Variants in GRB10 observed in about 807,000 individuals in gnomAD.
The protein encoded by GRB10 is growth factor receptor bound protein 10, also known as growth factor receptor-bound protein 10.
A neutral mutation model predicts 80.9 loss-of-function variants in GRB10; 20 were observed. The ratio of observed to expected loss-of-function variants is 0.25; its 90% CI spans 0.17 to 0.36. GRB10 has a LOEUF of 0.36. GRB10 is among the 10% of genes least tolerant of loss of function. The pLI, the probability that GRB10 is intolerant of heterozygous loss-of-function variation, is 1.00. For missense variants in GRB10, 548 were observed against 747.7 expected, an observed-to-expected ratio of 0.73 and a Z score of 3.12; for synonymous variants, 291 against 291.5, an observed-to-expected ratio of 1.00 and a Z score of 0.02.
At chr7:50,679,773 CAT>C (rs1284343107) in intron 5 of GRB10, among the ~76,000 whole-genome samples, 2 of 152,194 alleles carry the variant, frequency 1.3e-5, no homozygotes, top group East Asian at 1.9e-4. Context: ...GTCTCTAACA[CAT>C]GTGCAAAAGC....
At chr7:50,717,502 A>G (rs1326106848) in intron 4 of GRB10, among the ~76,000 whole-genome samples, 1 of 152,256 alleles carries the variant, frequency 6.6e-6, no homozygotes, top group Non-Finnish European at 1.5e-5. Flanking sequence ...ATATATGTAT[A>G]TATACATAAA....
Position 50,635,902 on chromosome 7 carries a change from TAA to T in GRB10, c.505-8926_505-8925del, listed in dbSNP as rs56099361. 9.8e-3 allele frequency among the ~76,000 whole-genome samples: 941 copies of T among 96,438 alleles called. 12 individuals carry two copies. Among genetic ancestry groups the T allele is most frequent in the African/African-American group, 0.034 (868 of 25,882 alleles). 63.3% of individuals were successfully genotyped at this position (96,438 alleles called of 152,430 possible). ...ATCAGTAATTATAAAAATCTTCCAA[TAA>T]AAAAAAAAAAAAGCCCAGGACCAGA... On this transcript the variant is annotated intron_variant, in intron 7 of 18. Coordinates refer to ENST00000401949, the MANE Select transcript of GRB10 (RefSeq NM_001350814.2).
chr7:50,676,333 A>G (rs1034774271), intron 5 of GRB10, among the ~76,000 whole-genome samples: 1 of 16,352 alleles, frequency 6.1e-5, no homozygotes, highest in African/African-American at 2.6e-4. Flanking sequence ...TGTCCACCCC[A>G]CCGGGGGGGG....
At chr7:50,623,469 C>T (rs575936429) in intron 8 of GRB10, among the ~76,000 whole-genome samples, 1 of 152,230 alleles carries the variant, frequency 6.6e-6, no homozygotes, top group Non-Finnish European at 1.5e-5. Flanking sequence ...CTCTGCTTAT[C>T]CACAAGCGCA....
intron 3 of GRB10, among the ~76,000 whole-genome samples, chr7:50,734,716 C>T (rs763457513): frequency 9.9e-5 from 15 of 152,180 alleles, no homozygotes; most frequent in Admixed American, 2.6e-4. Context: ...ATGGCTTCTC[C>T]GCCAGGAAAA....
In GRB10 at chr7:50,682,092, G is replaced by T. The variant is rs568964344; in HGVS notation, c.140-7434C>A. On this transcript the variant is annotated intron_variant, in intron 5 of 18. Transcript: ENST00000401949. ...AACCCAATGTTTCTGTTGCCCCCCA[G>T]CACTGGCCACCTTGGGAACCAAGAT... Among the ~76,000 whole-genome samples the T allele has an allele frequency of 8.5e-5, 13 of 152,328 alleles. No individual in the cohort carries two copies. The South Asian group carries it at 2.7e-3, about 32-fold the overall frequency.
intron 7 of GRB10, among the ~76,000 whole-genome samples, chr7:50,658,233 G>A (rs1320481929): frequency 6.6e-6 from 1 of 152,218 alleles, no homozygotes; most frequent in Non-Finnish European, 1.5e-5. Context: ...CTTCTCCAGT[G>A]GGTGAACTGT....
At chr7:50,689,306 C>T (rs1404950888) in intron 5 of GRB10, among the ~76,000 whole-genome samples, 3 of 152,190 alleles carry the variant, frequency 2.0e-5, no homozygotes, top group Non-Finnish European at 4.4e-5. Context: ...TAGAAGCCTG[C>T]TGCAATTATT....
chr7:50,657,691 T>C (rs895031364), intron 7 of GRB10, among the ~76,000 whole-genome samples: 1 of 152,182 alleles, frequency 6.6e-6, no homozygotes, highest in Admixed American at 6.5e-5. Context: ...CATTTGGTTC[T>C]CTCAGGGACC....
intron 4 of GRB10, among the ~76,000 whole-genome samples, chr7:50,712,743 T>G (rs1229886684): frequency 2.0e-5 from 3 of 152,216 alleles, no homozygotes; most frequent in African/African-American, 7.2e-5. Flanking sequence ...CCACCCACTC[T>G]GCAGTGTTCA....
intron 2 of GRB10, among the ~76,000 whole-genome samples, chr7:50,764,461 G>GA (rs1208829808): frequency 6.6e-6 from 1 of 152,080 alleles, no homozygotes; most frequent in Non-Finnish European, 1.5e-5. Context: ...TGAACTTATG[G>GA]AAAAAAATGC....
At chr7:50,678,098 G>A (rs771594760) in intron 5 of GRB10, among the ~76,000 whole-genome samples, 2 of 152,142 alleles carry the variant, frequency 1.3e-5, no homozygotes, top group African/African-American at 2.4e-5. Flanking sequence ...AGCAGCCCCC[G>A]GGGTCTCCTG....
rs571592996 is a variant in GRB10, at chr7:50,669,758, C to T, written c.468G>A (p.Pro156=). Residue 156 remains proline (P), a synonymous_variant, in exon 7 of 19, where the codon CCG becomes CCA. Transcript: ENST00000401949. Reference sequence around the variant, plus strand: ...CGGCCTGGCTCGGAGGTAAAGAACCCGGCGTGAGCACAGGGGGGCTCCCAG... The same window carrying T: ...CGGCCTGGCTCGGAGGTAAAGAACCTGGCGTGAGCACAGGGGGGCTCCCAG... The part of the protein sequence containing the change: ...CGPGSPPVLT[P]GSLPPSQAAA... 2.2e-5 allele frequency: 36 copies of T among 1,613,646 alleles called. No individual in the cohort carries two copies. The highest frequency in any genetic ancestry group is 1.6e-4 in the East Asian group (7 of 44,892).
At chr7:50,778,051 C>T (rs778303556) in intron 2 of GRB10, among the ~76,000 whole-genome samples, 3 of 151,576 alleles carry the variant, frequency 2.0e-5, no homozygotes, top group Non-Finnish European at 4.4e-5. Flanking sequence ...CAAACCTGCA[C>T]GTTCTACACA....
chr7:50,757,219 T>G (rs2075207890), intron 2 of GRB10, among the ~76,000 whole-genome samples: 1 of 152,206 alleles, frequency 6.6e-6, no homozygotes. Flanking sequence ...TCTGGGCAAA[T>G]TATTGAGTCA....
intron 7 of GRB10, among the ~76,000 whole-genome samples, chr7:50,634,781 T>C (rs1216122829): frequency 6.6e-6 from 1 of 152,192 alleles, no homozygotes; most frequent in African/African-American, 2.4e-5. Context: ...ACAACAGTTT[T>C]AGAAAAAGAG....
intron 4 of GRB10, among the ~76,000 whole-genome samples, chr7:50,731,568 G>A (rs553879985): frequency 1.3e-5 from 2 of 152,260 alleles, no homozygotes; most frequent in East Asian, 1.9e-4. Context: ...CAGGATTCGC[G>A]AATCAAATCT....
At chr7:50,786,600 A>G (rs1010397017), upstream of GRB10, among the ~76,000 whole-genome samples, 1 of 152,246 alleles carries the variant, frequency 6.6e-6, no homozygotes, top group Admixed American at 6.5e-5. Flanking sequence ...AAGCCTCTAA[A>G]TGTTTTAGGG....
intron 2 of GRB10, among the ~76,000 whole-genome samples, chr7:50,762,553 C>T (rs1351471739): frequency 6.6e-6 from 1 of 152,096 alleles, no homozygotes; most frequent in African/African-American, 2.4e-5. Context: ...TAAGAGAATG[C>T]AGCCAGAGGT....
Sources: gnomAD v4.1 joint callset for allele counts (sites outside exome capture counted in the v4.1 genomes callset) on GRCh38, gnomAD v4.1.1 for gene constraint, MANE v1.5 for transcripts, NCBI Gene and HGNC (gene_info 2026-07-23, HGNC 2026-07-21) for gene names.